Variants in LRRC8C observed in about 807,000 individuals in gnomAD.
LRRC8C encodes leucine rich repeat containing 8 VRAC subunit C.
Under a neutral mutation model 55.3 loss-of-function variants are expected in LRRC8C, and 20 were observed. That is an observed-to-expected ratio of 0.36 (90% CI 0.25 to 0.53). LRRC8C has a LOEUF of 0.53. Among genes scored for constraint, LRRC8C ranks in the 20% least tolerant of loss-of-function variants. The pLI, the probability that LRRC8C is intolerant of heterozygous loss-of-function variation, is 0.92. For missense variants in LRRC8C, 659 were observed against 951.4 expected, an observed-to-expected ratio of 0.69 and a Z score of 4.04; for synonymous variants, 376 against 360.7, an observed-to-expected ratio of 1.04 and a Z score of -0.48.
chr1:89,638,484 C>T (rs1022492180), intron 1 of LRRC8C, among the ~76,000 whole-genome samples: 11 of 100,876 alleles, frequency 1.1e-4, no homozygotes, highest in Non-Finnish European at 1.7e-4. Flanking sequence ...GATTGTCCCC[C>T]GCTTGAGAAC....
chr1:89,654,675 G>A (rs1259325956), intron 1 of LRRC8C, among the ~76,000 whole-genome samples: 2 of 152,098 alleles, frequency 1.3e-5, no homozygotes, highest in African/African-American at 2.4e-5. Context: ...GAATTTGAAG[G>A]CTTTTTACAA....
chr1:89,659,058 T>TG (rs1657035502), intron 1 of LRRC8C, among the ~76,000 whole-genome samples: 13 of 58,976 alleles, frequency 2.2e-4, no homozygotes, highest in African/African-American at 7.2e-4. Context: ...GTTTTTTTTT[T>TG]TTTTGTGTGT....
intron 2 of LRRC8C, among the ~76,000 whole-genome samples, chr1:89,691,732 CGTCTGTCACCCCT>C (rs1658032244): frequency 6.6e-6 from 1 of 152,112 alleles, no homozygotes; most frequent in African/African-American, 2.4e-5. Context: ...CTCCATGAGG[CGTCTGTCACCCCT>C]GTGCACACTG....
chr1:89,695,396 A>G (rs774412463), intron 2 of LRRC8C, among the ~76,000 whole-genome samples: 3 of 152,192 alleles, frequency 2.0e-5, no homozygotes, highest in Non-Finnish European at 2.9e-5. Flanking sequence ...AGCTGGTGAG[A>G]TTCTTTGCAC....
intron 1 of LRRC8C, among the ~76,000 whole-genome samples, chr1:89,683,303 G>A (rs1183794175): frequency 1.3e-5 from 2 of 151,770 alleles, no homozygotes; most frequent in Non-Finnish European, 2.9e-5. Context: ...ACAAAATCAT[G>A]CATATGTTAC....
chr1:89,689,466 G>A (rs1377604799), intron 2 of LRRC8C, among the ~76,000 whole-genome samples: 1 of 152,180 alleles, frequency 6.6e-6, no homozygotes, highest in Non-Finnish European at 1.5e-5. Flanking sequence ...CACTACAGCT[G>A]TTGAGAATAT....
chr1:89,623,406 C>T, the LRRC8C span, among the ~76,000 whole-genome samples: 2 of 152,058 alleles, frequency 1.3e-5, no homozygotes, highest in Non-Finnish European at 2.9e-5. Context: ...TCCTCAGAAA[C>T]AAGGATGGAA....
At chr1:89,658,124 G>A (rs1657002368) in intron 1 of LRRC8C, among the ~76,000 whole-genome samples, 1 of 152,136 alleles carries the variant, frequency 6.6e-6, no homozygotes, top group African/African-American at 2.4e-5. Context: ...TTCCCTTGAT[G>A]TTCTTTGGCC....
At chr1:89,710,484 A>G (rs938151772) in intron 2 of LRRC8C, among the ~76,000 whole-genome samples, 26 of 152,244 alleles carry the variant, frequency 1.7e-4, no homozygotes, top group Non-Finnish European at 7.3e-5. Flanking sequence ...TGCAGTACCT[A>G]TAGGAAGACA....
intron 2 of LRRC8C, among the ~76,000 whole-genome samples, chr1:89,699,342 A>G (rs1406703516): frequency 6.6e-6 from 1 of 152,212 alleles, no homozygotes; most frequent in East Asian, 1.9e-4. Context: ...TTTATCCAAC[A>G]CCAAGAGTGA....
chr1:89,698,529 G>A (rs1166980493), intron 2 of LRRC8C, among the ~76,000 whole-genome samples: 1 of 151,920 alleles, frequency 6.6e-6, no homozygotes, highest in Admixed American at 6.6e-5. Flanking sequence ...ATGTTCCTCA[G>A]GCATTTCTCA....
At chr1:89,657,938 C>A (rs1369109577) in intron 1 of LRRC8C, among the ~76,000 whole-genome samples, 8 of 152,038 alleles carry the variant, frequency 5.3e-5, no homozygotes, top group Admixed American at 5.2e-4. Context: ...AGATTTACTT[C>A]CAGAGGATCT....
At chr1:89,685,698 G>A (rs943652139) in intron 1 of LRRC8C, among the ~76,000 whole-genome samples, 3 of 152,000 alleles carry the variant, frequency 2.0e-5, no homozygotes, top group African/African-American at 4.8e-5. Flanking sequence ...AGCCGTGGGT[G>A]CACCCTATTC....
intron 1 of LRRC8C, among the ~76,000 whole-genome samples, chr1:89,664,392 A>C (rs1657200547): frequency 6.6e-6 from 1 of 152,214 alleles, no homozygotes; most frequent in African/African-American, 2.4e-5. Context: ...CATTTACTAA[A>C]TAGGGAACCC....
At chr1:89,643,823 A>C (rs1331280252) in intron 1 of LRRC8C, among the ~76,000 whole-genome samples, 1 of 152,218 alleles carries the variant, frequency 6.6e-6, no homozygotes, top group Non-Finnish European at 1.5e-5. Flanking sequence ...AGTATTCTGA[A>C]GAATATAGTC....
the LRRC8C span, among the ~76,000 whole-genome samples, chr1:89,622,046 A>G: frequency 6.6e-6 from 1 of 152,222 alleles, no homozygotes; most frequent in Admixed American, 6.5e-5. Context: ...ATGAAACTCC[A>G]GATAAGCAAG....
intron 2 of LRRC8C, among the ~76,000 whole-genome samples, chr1:89,710,742 T>C (rs1217756413): frequency 1.3e-5 from 2 of 152,214 alleles, no homozygotes; most frequent in Non-Finnish European, 2.9e-5. Context: ...TCTTGTTATC[T>C]GCATAGGACA....
Position 89,714,997 on chromosome 1 carries a change from A to C in LRRC8C, c.*15A>C, listed in dbSNP as rs1378681356. ...AAACAGAATAACTTATTTTTCGTTAAAGTTTGACTGAAACACGCTTCTACC... is the reference window on the plus strand; with the variant it reads ...AAACAGAATAACTTATTTTTCGTTACAGTTTGACTGAAACACGCTTCTACC... On this transcript the variant is annotated 3_prime_UTR_variant, in exon 3 of 3. Transcript: ENST00000370454. This position sits in a 1 kb window ranked among gnomAD's most constrained non-coding sequence, Gnocchi z 4.6. The C allele has an allele frequency of 6.5e-7, 1 of 1,537,408 alleles. No individual in the cohort carries two copies. Among genetic ancestry groups the C allele is most frequent in the Non-Finnish European group, 8.8e-7 (1 of 1,138,540 alleles).
At chr1:89,664,908 G>T (rs1472010475) in intron 1 of LRRC8C, among the ~76,000 whole-genome samples, 1 of 152,178 alleles carries the variant, frequency 6.6e-6, no homozygotes, top group African/African-American at 2.4e-5. Context: ...TGTAGTAATT[G>T]TGAATGGGAT....
Sources: gnomAD v4.1 joint callset for allele counts (sites outside exome capture counted in the v4.1 genomes callset) on GRCh38, gnomAD v4.1.1 for gene constraint, Gnocchi (gnomAD v3.1) non-coding constraint, MANE v1.5 for transcripts, NCBI Gene and HGNC (gene_info 2026-07-23, HGNC 2026-07-21) for gene names.